FAF1: variants seen among roughly 807,000 people sequenced by gnomAD.
The protein encoded by FAF1 is FAS-associated factor 1.
Under a neutral mutation model 92.5 loss-of-function variants are expected in FAF1, and 25 were observed. That is an observed-to-expected ratio of 0.27 (90% CI 0.20 to 0.38). The LOEUF (loss-of-function observed/expected upper bound fraction) is 0.38. Among genes scored for constraint, FAF1 ranks in the 10% least tolerant of loss-of-function variants. FAF1 has a pLI of 1.00. For missense variants in FAF1, 636 were observed against 793.3 expected, an observed-to-expected ratio of 0.80 and a Z score of 2.38; for synonymous variants, 234 against 273.2, an observed-to-expected ratio of 0.86 and a Z score of 1.42.
intron 8 of FAF1, among the ~76,000 whole-genome samples, chr1:50,636,053 G>C (rs1653993564): frequency 6.6e-6 from 1 of 152,136 alleles, no homozygotes; most frequent in African/African-American, 2.4e-5. Flanking sequence ...AAGCAAAAGG[G>C]AGGGGAGACA....
intron 1 of FAF1, among the ~76,000 whole-genome samples, chr1:50,947,676 A>G (rs1645181392): frequency 1.3e-5 from 2 of 152,258 alleles, no homozygotes; most frequent in Non-Finnish European, 2.9e-5. Flanking sequence ...CTCAAGGCCT[A>G]TATTTTATCA....
At chr1:50,569,838 C>T (rs571615947) in intron 12 of FAF1, among the ~76,000 whole-genome samples, 1 of 152,228 alleles carries the variant, frequency 6.6e-6, no homozygotes, top group South Asian at 2.1e-4. Flanking sequence ...AGAAACCCAA[C>T]ATGCAGAGTT....
intron 18 of FAF1, among the ~76,000 whole-genome samples, chr1:50,447,359 TAGTGATCCGCCCGCCTCGGCCTCCCAA>T (rs1299421062): frequency 1.3e-5 from 2 of 152,014 alleles, no homozygotes; most frequent in Non-Finnish European, 2.9e-5. Flanking sequence ...TCTCCTGACC[TAGTGATCCGCCCGCCTCGGCCTCCCAA>T]AGTGCTGGGA....
chr1:50,912,536 C>A (rs931768934), intron 1 of FAF1, among the ~76,000 whole-genome samples: 1 of 152,170 alleles, frequency 6.6e-6, no homozygotes, highest in East Asian at 1.9e-4. Flanking sequence ...TTGAATTATA[C>A]TAAACCTTAC....
At chr1:50,683,170 A>C (rs1238599840) in intron 7 of FAF1, among the ~76,000 whole-genome samples, 1 of 152,184 alleles carries the variant, frequency 6.6e-6, no homozygotes, top group South Asian at 2.1e-4. Flanking sequence ...TTAAAAAAAA[A>C]CATATATACA....
chr1:50,570,539 T>C (rs1023622560), intron 12 of FAF1, among the ~76,000 whole-genome samples: 1 of 152,004 alleles, frequency 6.6e-6, no homozygotes, highest in African/African-American at 2.4e-5. Flanking sequence ...AAAAAAAAAA[T>C]TCCCACTTTA....
intron 2 of FAF1, among the ~76,000 whole-genome samples, chr1:50,856,599 A>G (rs1644391921): frequency 6.6e-6 from 1 of 151,844 alleles, no homozygotes; most frequent in South Asian, 2.1e-4. Flanking sequence ...GTAGAATTTT[A>G]AATTAGTAAA....
At chr1:50,770,027 A>T (rs1660722465) in intron 4 of FAF1, among the ~76,000 whole-genome samples, 1 of 152,124 alleles carries the variant, frequency 6.6e-6, no homozygotes. Flanking sequence ...CTCCAGCCTG[A>T]GTAACAAAGT....
intron 8 of FAF1, among the ~76,000 whole-genome samples, chr1:50,601,464 T>C (rs1056572769): frequency 6.6e-6 from 1 of 152,124 alleles, no homozygotes; most frequent in Non-Finnish European, 1.5e-5. Flanking sequence ...GGCAGATCAC[T>C]TGAGGCCAGC....
intron 1 of FAF1, among the ~76,000 whole-genome samples, chr1:50,953,436 GAAAA>G (rs959091769): frequency 6.6e-6 from 1 of 150,538 alleles, no homozygotes; most frequent in Non-Finnish European, 1.5e-5. Context: ...TTTAAAAAAA[GAAAA>G]AAAAGAAAAT....
intron 8 of FAF1, among the ~76,000 whole-genome samples, chr1:50,653,868 T>TCTGAAAAA (rs1654986428): frequency 6.6e-6 from 1 of 151,532 alleles, no homozygotes; most frequent in Non-Finnish European, 1.5e-5. Flanking sequence ...AGATTCCAAG[T>TCTGAAAAA]CAAAAATAAA....
At chr1:50,757,197 G>T (rs971264175) in intron 4 of FAF1, among the ~76,000 whole-genome samples, 2 of 152,146 alleles carry the variant, frequency 1.3e-5, no homozygotes, top group African/African-American at 4.8e-5. Context: ...CCCAAGAAAA[G>T]AACATGTCTT....
At chr1:50,711,756 C>A (rs914577004) in intron 6 of FAF1, among the ~76,000 whole-genome samples, 1 of 152,166 alleles carries the variant, frequency 6.6e-6, no homozygotes, top group African/African-American at 2.4e-5. Flanking sequence ...TAAGCCACCA[C>A]ACCCGGCCTG....
At chr1:50,751,429 C>T (rs1244259577) in intron 4 of FAF1, among the ~76,000 whole-genome samples, 2 of 152,028 alleles carry the variant, frequency 1.3e-5, no homozygotes, top group Non-Finnish European at 2.9e-5. Context: ...CTGCCTCCTC[C>T]GCCTCCCAGG....
chr1:50,941,918 T>C (rs1218928223), intron 1 of FAF1, among the ~76,000 whole-genome samples: 1 of 152,250 alleles, frequency 6.6e-6, no homozygotes, highest in African/African-American at 2.4e-5. Context: ...ACCATGTATT[T>C]CTTTTTTTAT....
At chr1:50,718,666 T>C (rs898313407) in intron 6 of FAF1, among the ~76,000 whole-genome samples, 2 of 152,216 alleles carry the variant, frequency 1.3e-5, no homozygotes, top group African/African-American at 2.4e-5. Context: ...AAGACTTTAT[T>C]TGAGATTACT....
intron 2 of FAF1, among the ~76,000 whole-genome samples, chr1:50,809,779 C>T (rs1662350398): frequency 6.6e-6 from 1 of 152,216 alleles, no homozygotes; most frequent in African/African-American, 2.4e-5. Context: ...TTGAGGCCAG[C>T]ATCATCCTGA....
rs374073361 is a variant in FAF1, at chr1:50,622,173, A to T, written c.745-25957T>A. The stretch of plus-strand genomic sequence containing the variant: ...GAGCGAGACTCCATCTCAAAAAAAA[A>T]AAAATAAAAAGAAAAAAAAAAGAAA... On this transcript the variant is annotated intron_variant, in intron 8 of 18. Coordinates refer to ENST00000396153, the MANE Select transcript of FAF1 (RefSeq NM_007051.3). 7.2e-5 allele frequency among the ~76,000 whole-genome samples: 11 copies of T among 151,816 alleles called. No individual in the cohort carries two copies. In the South Asian group the frequency reaches 1.5e-3, roughly 20 times the overall value.
chr1:50,922,330 G>T (rs1644970104), intron 1 of FAF1, among the ~76,000 whole-genome samples: 3 of 151,328 alleles, frequency 2.0e-5, no homozygotes, highest in African/African-American at 7.3e-5. Context: ...GTGGTGGCAG[G>T]CACCTGTAAT....
Sources: allele counts gnomAD v4.1 joint callset (sites outside exome capture counted in the v4.1 genomes callset), GRCh38; gene constraint gnomAD v4.1.1; transcripts MANE v1.5; gene names NCBI Gene and HGNC (gene_info 2026-07-23, HGNC 2026-07-21).